The following TMEM117 variants were observed in gnomAD, a reference collection of about 807,000 sequenced individuals.
The protein encoded by TMEM117 is transmembrane protein 117.
Under a neutral mutation model 52.4 loss-of-function variants are expected in TMEM117, and 27 were observed. That is an observed-to-expected ratio of 0.51 (90% CI 0.38 to 0.71). TMEM117 has a LOEUF of 0.71. Ranked by LOEUF, TMEM117 falls within the 30% of genes least tolerant of loss-of-function variation. The pLI is 0.00. For missense variants in TMEM117, 556 were observed against 630.5 expected, an observed-to-expected ratio of 0.88 and a Z score of 1.26; for synonymous variants, 215 against 206.3, an observed-to-expected ratio of 1.04 and a Z score of -0.36.
chr12:43,922,149 T>C lies in TMEM117; in HGVS notation c.278-22061T>C, dbSNP rs866703105. 5.3e-5 allele frequency among the ~76,000 whole-genome samples: 8 copies of C among 152,144 alleles called. No homozygotes were observed. In the South Asian group the frequency reaches 1.7e-3, roughly 32 times the overall value. ...ATGTCTTACAAACTGTGGTTTCTCTTAACACTTGTGTGGTCTCTCTTTCTG... is the reference window on the plus strand; with the variant it reads ...ATGTCTTACAAACTGTGGTTTCTCTCAACACTTGTGTGGTCTCTCTTTCTG... On this transcript the variant is annotated intron_variant, in intron 2 of 7. Transcript: ENST00000266534.
At chr12:43,988,114 C>T (rs1434734232) in intron 3 of TMEM117, among the ~76,000 whole-genome samples, 1 of 151,944 alleles carries the variant, frequency 6.6e-6, no homozygotes, top group African/African-American at 2.4e-5. Flanking sequence ...CTATGGAAAA[C>T]ATGAAAATTT....
At chr12:44,234,748 T>C (rs1949973935) in intron 5 of TMEM117, among the ~76,000 whole-genome samples, 1 of 151,538 alleles carries the variant, frequency 6.6e-6, no homozygotes, top group African/African-American at 2.4e-5. Context: ...TAGTTACATA[T>C]CAGCATTGTT....
At position 43,836,169 on chromosome 12, in the gene TMEM117, T is replaced by TCGCCCCG. The variant is rs1364362425; in HGVS notation, c.-45_-39dup. On this transcript the variant is annotated 5_prime_UTR_variant, in exon 1 of 8. Coordinates refer to ENST00000266534, the MANE Select transcript of TMEM117 (RefSeq NM_032256.3). Reference sequence around the variant, plus strand: ...GCTCGACCGCGAATCCCGTGTGCAGTCGCCCCGCGCCCCGCGCGACCCTTC... The same window carrying TCGCCCCG: ...GCTCGACCGCGAATCCCGTGTGCAGTCGCCCCGCGCCCCGCGCCCCGCGCGACCCTTC... 3.3e-5 allele frequency: 5 copies of TCGCCCCG among 152,062 alleles called. No individual in the cohort carries two copies. The highest frequency in any genetic ancestry group is 2.1e-4 in the South Asian group (1 of 4,824). 9.4% of individuals were successfully genotyped at this position (152,062 alleles called of 1,614,324 possible).
chr12:44,211,578 AT>A (rs1949645982), intron 5 of TMEM117, among the ~76,000 whole-genome samples, 191 bp downstream of exon 5: 1 of 152,196 alleles, frequency 6.6e-6, no homozygotes, highest in Admixed American at 6.5e-5. Flanking sequence ...GTATATTCAC[AT>A]TTATAAAACA....
intron 3 of TMEM117, among the ~76,000 whole-genome samples, chr12:43,998,175 A>G (rs1163603089): frequency 3.3e-5 from 5 of 152,218 alleles, no homozygotes; most frequent in Non-Finnish European, 5.9e-5. Flanking sequence ...TGTAGATAGG[A>G]TAGTGGTTCT....
intron 2 of TMEM117, among the ~76,000 whole-genome samples, chr12:43,916,862 G>A (rs1407035564): frequency 6.6e-6 from 1 of 152,070 alleles, no homozygotes; most frequent in Non-Finnish European, 1.5e-5. Flanking sequence ...CTTCTTTTCT[G>A]ATGTTAACAA....
chr12:43,831,589 G>A (rs989325548), upstream of TMEM117, among the ~76,000 whole-genome samples: 2 of 150,562 alleles, frequency 1.3e-5, no homozygotes, highest in Non-Finnish European at 2.9e-5. Context: ...TGTCACCCAG[G>A]CTGGAGTGCA....
At chr12:43,810,788 C>T in the TMEM117 span, among the ~76,000 whole-genome samples, 3 of 152,066 alleles carry the variant, frequency 2.0e-5, no homozygotes, top group South Asian at 6.2e-4. Context: ...ACAGATTAAC[C>T]CTTTCACTAA....
intron 3 of TMEM117, among the ~76,000 whole-genome samples, chr12:43,953,631 G>T (rs923255365): frequency 6.6e-6 from 1 of 152,060 alleles, no homozygotes; most frequent in Non-Finnish European, 1.5e-5. Flanking sequence ...CCCAATACAG[G>T]AGCACCCAGA....
chr12:43,975,226 A>C lies in TMEM117; in HGVS notation c.410+30884A>C, dbSNP rs557501169. Among the ~76,000 whole-genome samples, 8 of 152,278 alleles carry C rather than the reference A, an allele frequency of 5.3e-5. No individual in the cohort carries two copies. The South Asian group carries it at 1.7e-3, about 32-fold the overall frequency. On this transcript the variant is annotated intron_variant, in intron 3 of 7. Transcript: ENST00000266534. Reference sequence around the variant, plus strand: ...CACCTCATATTTATTATTATATCAAAGGGTATGGTCAGGAAGACAAATTGT... The same window carrying C: ...CACCTCATATTTATTATTATATCAACGGGTATGGTCAGGAAGACAAATTGT...
chr12:44,354,620 C>G (rs543679429), intron 6 of TMEM117, among the ~76,000 whole-genome samples: 21 of 150,836 alleles, frequency 1.4e-4, no homozygotes, highest in East Asian at 3.9e-4. Context: ...ATTCAACAAC[C>G]CTTCATGCTA....
the TMEM117 span, among the ~76,000 whole-genome samples, chr12:43,824,820 TG>T: frequency 6.6e-6 from 1 of 152,166 alleles, no homozygotes. Flanking sequence ...TCCCAGCTAC[TG>T]GGGAGGCTGA....
chr12:43,958,290 CCTT>C (rs1945341491), intron 3 of TMEM117, among the ~76,000 whole-genome samples: 1 of 152,122 alleles, frequency 6.6e-6, no homozygotes, highest in Non-Finnish European at 1.5e-5. Flanking sequence ...TGGTAAAAAT[CCTT>C]CTGTGAACTG....
intron 3 of TMEM117, among the ~76,000 whole-genome samples, chr12:43,985,120 G>A (rs777382536): frequency 1.3e-5 from 2 of 152,094 alleles, no homozygotes; most frequent in Non-Finnish European, 2.9e-5. Flanking sequence ...ATCTCTACAT[G>A]CAAAGAGGTC....
intron 3 of TMEM117, among the ~76,000 whole-genome samples, chr12:44,018,725 CT>C (rs559433168): frequency 0.015 from 2,038 of 140,374 alleles, 28 homozygotes; most frequent in African/African-American, 0.038. Context: ...CTTTTTCTTT[CT>C]TTTTTTTTTT....
intron 3 of TMEM117, among the ~76,000 whole-genome samples, chr12:44,075,504 T>C (rs59525853): frequency 0.1 from 15,636 of 152,224 alleles, 1,223 homozygotes; most frequent in African/African-American, 0.22. Flanking sequence ...TCACTTGGTC[T>C]CAAAAATTAA....
At chr12:44,083,757 T>G (rs1947523150) in intron 3 of TMEM117, 1 of 152,108 alleles carries the variant, frequency 6.6e-6, no homozygotes, top group Non-Finnish European at 1.5e-5. Context: ...CATTGTGGTC[T>G]TAATTTTCAT....
intron 3 of TMEM117, among the ~76,000 whole-genome samples, chr12:44,105,723 G>A (rs1007281801): frequency 6.6e-6 from 1 of 151,978 alleles, no homozygotes; most frequent in African/African-American, 2.4e-5. Context: ...GGGTGGAGGG[G>A]TCTAGAGTTG....
At chr12:43,981,025 C>T (rs560333849) in intron 3 of TMEM117, among the ~76,000 whole-genome samples, 2 of 152,240 alleles carry the variant, frequency 1.3e-5, no homozygotes, top group South Asian at 2.1e-4. Context: ...TATCTGCCCT[C>T]GCCCTTTGCC....
Sources: allele counts gnomAD v4.1 joint callset (sites outside exome capture counted in the v4.1 genomes callset), GRCh38; gene constraint gnomAD v4.1.1; transcripts MANE v1.5; gene names NCBI Gene and HGNC (gene_info 2026-07-23, HGNC 2026-07-21).